The following SEMA3A variants were observed in gnomAD, a reference collection of about 807,000 sequenced individuals.
The protein encoded by SEMA3A is semaphorin 3A, also known as semaphorin-3A.
A neutral mutation model predicts 97.9 loss-of-function variants in SEMA3A; 29 were observed. The observed-to-expected ratio is 0.30, with a 90% CI of 0.22 to 0.40. The LOEUF is 0.40. Among genes scored for constraint, SEMA3A ranks in the 10% least tolerant of loss-of-function variants. The probability of loss-of-function intolerance (pLI) is 1.00; values close to 1 mark genes in which losing one functional copy is unlikely to be tolerated. For missense variants in SEMA3A, 763 were observed against 951.3 expected, an observed-to-expected ratio of 0.80 and a Z score of 2.60; for synonymous variants, 321 against 323.7, an observed-to-expected ratio of 0.99 and a Z score of 0.09.
chr7:84,015,223 C>A (rs902717976), intron 6 of SEMA3A, among the ~76,000 whole-genome samples: 1 of 151,174 alleles, frequency 6.6e-6, no homozygotes, highest in African/African-American at 2.4e-5. Flanking sequence ...CCCCTGCCAC[C>A]CCAGTGAAAT....
At chr7:84,103,796 G>A (rs1183043858) in intron 4 of SEMA3A, among the ~76,000 whole-genome samples, 3 of 152,072 alleles carry the variant, frequency 2.0e-5, no homozygotes, top group Non-Finnish European at 4.4e-5. Context: ...ATGAAGGCTG[G>A]AGAATGAAAG....
At chr7:84,249,380 T>TATCTATCTATCTATC (rs1554351562) in intron 3 of SEMA3A, among the ~76,000 whole-genome samples, 2 of 150,602 alleles carry the variant, frequency 1.3e-5, no homozygotes, top group East Asian at 3.9e-4. Flanking sequence ...TCTATCTATC[T>TATCTATCTATCTATC]ATCTATCTAT....
At chr7:84,014,419 A>C in intron 6 of SEMA3A, 68 bp from the exon 7 acceptor site, 1 of 1,301,986 alleles carries the variant, frequency 7.7e-7, no homozygotes, top group Non-Finnish European at 1.0e-6. Flanking sequence ...TGAACAGTCC[A>C]TTTTTACTTT....
intron 12 of SEMA3A, among the ~76,000 whole-genome samples, chr7:83,996,062 C>G (rs1312378766): frequency 6.6e-6 from 1 of 152,166 alleles, no homozygotes; most frequent in Non-Finnish European, 1.5e-5. Flanking sequence ...ATAAAGCCCA[C>G]TGTCCTAAGA....
At chr7:84,055,645 A>G (rs796228525) in intron 5 of SEMA3A, among the ~76,000 whole-genome samples, 7 of 152,226 alleles carry the variant, frequency 4.6e-5, no homozygotes, top group African/African-American at 1.7e-4. Flanking sequence ...TCAGATGGAA[A>G]TGCAGAAATC....
intron 4 of SEMA3A, among the ~76,000 whole-genome samples, chr7:84,104,067 T>TCTACAATCCAA (rs1795036657): frequency 6.6e-6 from 1 of 152,018 alleles, no homozygotes; most frequent in South Asian, 2.1e-4. Context: ...CCAAACTAGG[T>TCTACAATCCAA]ATTAGTCTAC....
intron 1 of SEMA3A, among the ~76,000 whole-genome samples, chr7:84,457,531 T>C (rs1033622686): frequency 2.6e-5 from 4 of 151,974 alleles, no homozygotes; most frequent in Non-Finnish European, 5.9e-5. Flanking sequence ...GAACTTTTAA[T>C]TGAATTGATG....
At chr7:84,235,208 G>A (rs747789726) in intron 3 of SEMA3A, among the ~76,000 whole-genome samples, 1 of 151,958 alleles carries the variant, frequency 6.6e-6, no homozygotes, top group Non-Finnish European at 1.5e-5. Flanking sequence ...AACTATGTAA[G>A]TATAGTAGAC....
intron 4 of SEMA3A, among the ~76,000 whole-genome samples, chr7:84,104,546 C>A (rs1795051247): frequency 6.6e-6 from 1 of 152,086 alleles, no homozygotes; most frequent in Non-Finnish European, 1.5e-5. Flanking sequence ...TCAGGGAAAT[C>A]AAGTCAAAAT....
intron 1 of SEMA3A, among the ~76,000 whole-genome samples, chr7:84,376,715 ATTC>A (rs1264525842): frequency 1.3e-5 from 2 of 149,284 alleles, no homozygotes; most frequent in Non-Finnish European, 3.0e-5. Flanking sequence ...ATGACTTCTC[ATTC>A]TGGTTTTGAT....
intron 6 of SEMA3A, among the ~76,000 whole-genome samples, chr7:84,045,057 T>A (rs568917898): frequency 3.9e-5 from 6 of 152,074 alleles, no homozygotes; most frequent in African/African-American, 1.4e-4. Flanking sequence ...CTTTGAAGTA[T>A]AGGATCGATC....
chr7:84,284,558 G>C (rs570864465), intron 3 of SEMA3A, among the ~76,000 whole-genome samples: 1 of 152,106 alleles, frequency 6.6e-6, no homozygotes, highest in Non-Finnish European at 1.5e-5. Context: ...AAAATGCTTT[G>C]TCTCCTAGAA....
At chr7:84,089,017 A>G (rs1199552604) in intron 4 of SEMA3A, among the ~76,000 whole-genome samples, 1 of 152,100 alleles carries the variant, frequency 6.6e-6, no homozygotes. Context: ...GAGTAAAAAA[A>G]AAAAGGCATT....
At chr7:84,242,427 G>A (rs974208222) in intron 3 of SEMA3A, among the ~76,000 whole-genome samples, 18 of 152,096 alleles carry the variant, frequency 1.2e-4, no homozygotes, top group South Asian at 1.0e-3. Flanking sequence ...TTGACTCTTC[G>A]TCTATTATTG....
At chr7:84,124,532 T>C (rs755758029) in intron 3 of SEMA3A, among the ~76,000 whole-genome samples, 13 of 152,286 alleles carry the variant, frequency 8.5e-5, no homozygotes, top group Middle Eastern at 6.8e-3. Context: ...CTGACTATTA[T>C]TTACCCAAGA....
At chr7:84,321,871 G>A (rs1323790651) in intron 2 of SEMA3A, among the ~76,000 whole-genome samples, 3 of 16,948 alleles carry the variant, frequency 1.8e-4, no homozygotes, top group Non-Finnish European at 3.5e-4. Context: ...GCGAGACTAC[G>A]GAAAAAAAAA....
At chr7:84,242,073 C>A (rs983366797) in intron 3 of SEMA3A, among the ~76,000 whole-genome samples, 18 of 152,088 alleles carry the variant, frequency 1.2e-4, no homozygotes, top group Middle Eastern at 3.2e-3. Flanking sequence ...ATGCCACCAG[C>A]TTTGTTCTTT....
chr7:84,192,092 G>A (rs1006246749), intron 1 of SEMA3A, among the ~76,000 whole-genome samples: 1 of 151,868 alleles, frequency 6.6e-6, no homozygotes, highest in Admixed American at 6.6e-5. Flanking sequence ...TTGAAAACAA[G>A]TGACCATGGG....
At chr7:84,165,065 A>C (rs1428003308) in intron 1 of SEMA3A, among the ~76,000 whole-genome samples, 1 of 152,080 alleles carries the variant, frequency 6.6e-6, no homozygotes, top group African/African-American at 2.4e-5. Flanking sequence ...AAAATTAGCC[A>C]GGCATAGTGG....
Sources: gnomAD v4.1 joint callset for allele counts (sites outside exome capture counted in the v4.1 genomes callset) on GRCh38, gnomAD v4.1.1 for gene constraint, MANE v1.5 for transcripts, NCBI Gene and HGNC (gene_info 2026-07-23, HGNC 2026-07-21) for gene names.